Variants in CSMD2 observed in about 807,000 individuals in gnomAD.
The protein encoded by CSMD2 is CUB and sushi domain-containing protein 2.
In CSMD2, 130 loss-of-function variants were observed where a neutral mutation model predicts 398.5. The ratio of observed to expected loss-of-function variants is 0.33; its 90% CI spans 0.28 to 0.38. The LOEUF (loss-of-function observed/expected upper bound fraction) is 0.38, where lower values mean the gene tolerates loss of function less well. Among genes scored for constraint, CSMD2 ranks in the 10% least tolerant of loss-of-function variants. CSMD2 has a pLI of 1.00. For synonymous variants in CSMD2, 1,828 were observed against 1,908.5 expected, an observed-to-expected ratio of 0.96 and a Z score of 1.10; for missense variants, 3,829 against 4,764.9, an observed-to-expected ratio of 0.80 and a Z score of 5.78.
intron 11 of CSMD2, among the ~76,000 whole-genome samples, chr1:33,789,754 C>T (rs1654004247): frequency 6.6e-6 from 1 of 152,168 alleles, no homozygotes; most frequent in South Asian, 2.1e-4. Flanking sequence ...AACAGCCTGG[C>T]CTGTGTGACA....
At position 33,692,975 on chromosome 1, in the gene CSMD2, A is replaced by C; in HGVS notation, c.4007T>G (p.Leu1336Arg). Residue 1336 changes from leucine to arginine, a missense_variant, in exon 25 of 71, where the codon CTC (leucine) becomes CGC (arginine). By Grantham distance (102) the Leu-to-Arg change is moderately radical. Transcript: ENST00000373381. ...TGCTTCGATGGTCCAGATGCAGTTG[A>C]GATTGTGTTCATAGGGAGCTGGATA... Reference protein sequence around the residue: ...PGYPAPYEHNLNCIWTIEAEA... With the variant: ...PGYPAPYEHNRNCIWTIEAEA... The C allele has an allele frequency of 6.2e-7, 1 of 1,607,836 alleles. No individual in the cohort carries two copies. Among genetic ancestry groups the C allele is most frequent in the Non-Finnish European group, 8.5e-7 (1 of 1,177,368 alleles).
At chr1:33,588,465 G>C (rs956176467) in intron 44 of CSMD2, among the ~76,000 whole-genome samples, 3 of 151,966 alleles carry the variant, frequency 2.0e-5, no homozygotes, top group Non-Finnish European at 2.9e-5. Context: ...CTGAATGTCA[G>C]TAATCCTTTC....
At chr1:33,727,848 C>A (rs1054152781) in intron 15 of CSMD2, among the ~76,000 whole-genome samples, 2 of 152,172 alleles carry the variant, frequency 1.3e-5, no homozygotes, top group African/African-American at 4.8e-5. Flanking sequence ...CAGACTAGCA[C>A]ACCTCCCCAA....
chr1:33,781,341 C>A (rs1328441091), intron 12 of CSMD2, among the ~76,000 whole-genome samples: 1 of 152,238 alleles, frequency 6.6e-6, no homozygotes, highest in Admixed American at 6.5e-5. Flanking sequence ...AGATTTGCTG[C>A]CCCTCCTTTG....
At chr1:33,517,533 T>A (rs1653875002) in intron 70 of CSMD2, among the ~76,000 whole-genome samples, 1 of 152,244 alleles carries the variant, frequency 6.6e-6, no homozygotes, top group Non-Finnish European at 1.5e-5. Flanking sequence ...ATTTACATCA[T>A]CAGAGGGGAT....
chr1:33,532,588 G>A (rs1655347532), intron 64 of CSMD2, among the ~76,000 whole-genome samples: 1 of 152,212 alleles, frequency 6.6e-6, no homozygotes. Context: ...GCAGGGTTGT[G>A]TCTTTCCCCT....
chr1:34,080,508 C>A (rs1656950025), intron 2 of CSMD2, among the ~76,000 whole-genome samples: 1 of 151,970 alleles, frequency 6.6e-6, no homozygotes, highest in Non-Finnish European at 1.5e-5. Flanking sequence ...AAGTAGAAAT[C>A]ATAATCTAAT....
At chr1:33,941,153 CA>C (rs1311265585) in intron 3 of CSMD2, among the ~76,000 whole-genome samples, 3 of 152,184 alleles carry the variant, frequency 2.0e-5, no homozygotes, top group African/African-American at 7.2e-5. Context: ...TGACATTGAA[CA>C]ATTCCATTGT....
At chr1:33,997,532 T>C (rs986228766) in intron 3 of CSMD2, among the ~76,000 whole-genome samples, 9 of 152,142 alleles carry the variant, frequency 5.9e-5, no homozygotes, top group Non-Finnish European at 1.2e-4. Context: ...GTTCCCTGTC[T>C]TCCTCCCCTC....
intron 3 of CSMD2, among the ~76,000 whole-genome samples, chr1:34,015,474 G>A (rs1647955964): frequency 6.6e-6 from 1 of 152,162 alleles, no homozygotes; most frequent in Non-Finnish European, 1.5e-5. Flanking sequence ...TAGGTGAGAG[G>A]CATGAGGAGC....
intron 3 of CSMD2, among the ~76,000 whole-genome samples, chr1:34,011,844 T>G (rs951040534): frequency 2.6e-5 from 4 of 152,130 alleles, no homozygotes; most frequent in African/African-American, 7.2e-5. Context: ...TTTCAACCCA[T>G]TAATCATCCT....
At chr1:33,538,342 T>C (rs1395743246) in intron 60 of CSMD2, among the ~76,000 whole-genome samples, 1 of 152,212 alleles carries the variant, frequency 6.6e-6, no homozygotes, top group Non-Finnish European at 1.5e-5. Flanking sequence ...GGGTAGTGCA[T>C]GGGTGTACCC....
chr1:33,596,058 G>T (rs908234260), intron 44 of CSMD2, among the ~76,000 whole-genome samples: 3 of 152,210 alleles, frequency 2.0e-5, no homozygotes, highest in African/African-American at 7.2e-5. Flanking sequence ...TATAATTTTT[G>T]CTCTATCCAT....
intron 2 of CSMD2, among the ~76,000 whole-genome samples, chr1:34,063,830 G>A (rs574081979): frequency 2.0e-5 from 3 of 152,310 alleles, no homozygotes; most frequent in South Asian, 4.1e-4. Flanking sequence ...TGAGGGCCCC[G>A]CCCGTACAGC....
chr1:33,804,818 T>G (rs1656030622), intron 10 of CSMD2: 4 of 717,296 alleles, frequency 5.6e-6, no homozygotes, highest in African/African-American at 1.7e-5. Context: ...GAAGACAACT[T>G]CTATTCCTCA....
At chr1:33,719,496 A>T (rs1646283583) in intron 19 of CSMD2, among the ~76,000 whole-genome samples, 3 of 152,218 alleles carry the variant, frequency 2.0e-5, no homozygotes, top group African/African-American at 7.2e-5. Flanking sequence ...AAATGAAGAC[A>T]TTGTTGCAGA....
At chr1:33,698,709 T>C (rs745376471) in intron 24 of CSMD2, 44 bp downstream of exon 24, 4 of 1,565,212 alleles carry the variant, frequency 2.6e-6, no homozygotes, top group Non-Finnish European at 3.5e-6. Context: ...AGCTTGGTAT[T>C]ATGGGAGACC....
chr1:33,545,435 G>A (rs774064503), intron 57 of CSMD2, among the ~76,000 whole-genome samples: 7 of 152,134 alleles, frequency 4.6e-5, no homozygotes, highest in Non-Finnish European at 7.4e-5. Context: ...TTTGTTTCAC[G>A]TAGTCTCTTC....
rs1411362165 is a variant in CSMD2 at position 33,633,399 on chromosome 1, C to G, written c.5200+23G>C. The G allele has an allele frequency of 2.6e-6, 4 of 1,526,146 alleles. No homozygotes were observed. The highest frequency in any genetic ancestry group is 1.4e-5 in the African/African-American group (1 of 72,482). The allele number at this position is 1,526,146 out of a possible 1,614,324, so 94.5% of individuals were successfully genotyped here. A position where few individuals can be genotyped will look rare whatever the true frequency, so the allele number is the denominator to read the frequency against. On this transcript the variant is annotated intron_variant, in intron 32 of 70. Coordinates refer to ENST00000373381, the MANE Select transcript of CSMD2 (RefSeq NM_001281956.2). This position sits in a 1 kb window ranked among gnomAD's most constrained non-coding sequence, Gnocchi z 5.0. ...GATGCCCCCGGCCCACAACCATCCC[C>G]ACACTGGCCGAGCCCCGGATACCTG...
Sources: gnomAD v4.1 joint callset for allele counts (sites outside exome capture counted in the v4.1 genomes callset) on GRCh38, gnomAD v4.1.1 for gene constraint, Gnocchi (gnomAD v3.1) non-coding constraint, MANE v1.5 for transcripts, NCBI Gene and HGNC (gene_info 2026-07-23, HGNC 2026-07-21) for gene names.